Variants in COL4A3 observed in about 807,000 individuals in gnomAD.
COL4A3 encodes collagen type IV alpha 3 chain.
In COL4A3, 135 loss-of-function variants were observed where a neutral mutation model predicts 217.4. The observed-to-expected ratio is 0.62, with a 90% CI of 0.54 to 0.72. COL4A3 has a LOEUF of 0.72. Ranked by LOEUF, COL4A3 falls within the 30% of genes least tolerant of loss-of-function variation. The probability of loss-of-function intolerance (pLI) is 0.00; values close to 1 mark genes in which losing one functional copy is unlikely to be tolerated. For synonymous variants in COL4A3, 690 were observed against 736.3 expected, an observed-to-expected ratio of 0.94 and a Z score of 1.02; for missense variants, 1,868 against 2,119.9, an observed-to-expected ratio of 0.88 and a Z score of 2.33.
chr2:227,254,008 T>C (rs1009853868), intron 13 of COL4A3, 104 bp from the exon 14 acceptor site: 1 of 1,095,310 alleles, frequency 9.1e-7, no homozygotes, highest in Non-Finnish European at 1.4e-6. Context: ...CATTCATAGT[T>C]TGTAAACCCA....
chr2:227,286,237 A>G (rs1574792812), intron 34 of COL4A3, among the ~76,000 whole-genome samples: 2 of 151,942 alleles, frequency 1.3e-5, no homozygotes, highest in African/African-American at 4.8e-5. Flanking sequence ...CACGGCTGTA[A>G]TCCCAGTATT....
chr2:227,217,325 G>C (rs964301763), intron 1 of COL4A3, among the ~76,000 whole-genome samples: 1 of 152,194 alleles, frequency 6.6e-6, no homozygotes, highest in Non-Finnish European at 1.5e-5. Context: ...GATTTGGGTG[G>C]GGACACAGCC....
intron 46 of COL4A3, 114 bp downstream of exon 46, chr2:227,304,258 T>C (rs2073410256): frequency 1.2e-5 from 16 of 1,388,140 alleles, no homozygotes; most frequent in Non-Finnish European, 1.6e-5. Flanking sequence ...AACATGATAG[T>C]GGTTTTCACA....
intron 1 of COL4A3, among the ~76,000 whole-genome samples, chr2:227,226,616 C>T (rs11681725): frequency 0.22 from 33,267 of 151,916 alleles, 4,307 homozygotes; most frequent in Non-Finnish European, 0.3. Context: ...ATTATAGGCA[C>T]TCAACATCAT....
Position 227,240,159 on chromosome 2 carries a change from C to T in COL4A3, c.161C>T (p.Pro54Leu). The change falls in exon 3 of 52, where the codon CCT becomes CTT. Residue 54 changes from proline (P) to leucine (L), a missense_variant. By Grantham distance (98) the Pro-to-Leu change is moderately conservative. Around this residue, in one of 2 missense-constraint regions of COL4A3, gnomAD observed 365 missense variants for 333.8 expected, o/e 1.09. Transcript: ENST00000396578. Reference sequence around the variant, plus strand: ...TTTTAACAGGGGGAGAAGGGCTTTCCTGGACCCCCCGGTTCTCCTGGCCAG... The same window carrying T: ...TTTTAACAGGGGGAGAAGGGCTTTCTTGGACCCCCCGGTTCTCCTGGCCAG... ...AKGEKGEKGF[P>L]GPPGSPGQKG... 2.5e-6 allele frequency: 4 copies of T among 1,609,876 alleles called. No homozygotes were observed. The highest frequency in any genetic ancestry group is 1.7e-4 in the Middle Eastern group (1 of 6,058).
At chr2:227,166,772 T>C (rs1486087198) in intron 1 of COL4A3, among the ~76,000 whole-genome samples, 2 of 152,212 alleles carry the variant, frequency 1.3e-5, no homozygotes, top group African/African-American at 2.4e-5. Flanking sequence ...TGTGCCTTCA[T>C]CTTGTAGAAA....
At position 227,250,818 on chromosome 2, in the gene COL4A3, G is replaced by A. The variant is rs2069697893; in HGVS notation, c.547-322G>A. 6.6e-6 allele frequency among the ~76,000 whole-genome samples: 1 copy of A among 152,106 alleles called. No homozygotes were observed. The highest frequency in any genetic ancestry group is 1.5e-5 in the Non-Finnish European group (1 of 68,014). On this transcript the variant is annotated intron_variant, in intron 9 of 51. Transcript: ENST00000396578. The surrounding 1 kb of genome is among the most constrained non-coding windows in gnomAD (Gnocchi z 4.1). The stretch of plus-strand genomic sequence containing the variant: ...GAGCAGGTGGCAGGCCCTAACGTAG[G>A]AGCATGCTTGGCCAAAATGAGAGAG...
intron 1 of COL4A3, among the ~76,000 whole-genome samples, chr2:227,214,605 A>AGG (rs2067457282): frequency 1.3e-5 from 2 of 152,332 alleles, no homozygotes; most frequent in African/African-American, 4.8e-5. Flanking sequence ...GAGCCTATTA[A>AGG]AACACTTCAC....
At chr2:227,270,622 A>G in intron 24 of COL4A3, 148 bp from the exon 25 acceptor site, 1 of 760,284 alleles carries the variant, frequency 1.3e-6, no homozygotes, top group Non-Finnish European at 2.2e-6. Flanking sequence ...AAAACAAACA[A>G]AATGCTTGTA....
At chr2:227,270,076 A>T (rs2071149603) in intron 24 of COL4A3, 96 bp downstream of exon 24, 1 of 938,630 alleles carries the variant, frequency 1.1e-6, no homozygotes, top group African/African-American at 1.6e-5. Flanking sequence ...GGTGCCTTGC[A>T]AACAGTAGGC....
chr2:227,309,130 G>C (rs2073637062), intron 49 of COL4A3, 54 bp downstream of exon 49: 1 of 1,611,250 alleles, frequency 6.2e-7, no homozygotes, highest in Non-Finnish European at 8.5e-7. Context: ...CACTTCCCTT[G>C]TAATGGAATG....
Position 227,270,796 on chromosome 2 carries a change from A to G in COL4A3, c.1602A>G (p.Pro534=). 1 of 1,614,184 alleles carries G rather than the reference A, an allele frequency of 6.2e-7. No individual in the cohort carries two copies. The highest frequency in any genetic ancestry group is 8.5e-7 in the Non-Finnish European group (1 of 1,180,014). The change falls in exon 25 of 52, where the codon CCA becomes CCG. Residue 534 remains proline, a synonymous_variant. Transcript: ENST00000396578. ...FPGFPGAQGD[P]GLKGEKGETL... ...GTTTCCCAGGTGCCCAGGGTGACCCAGGACTTAAAGGAGAAAAAGGTGAAA... is the reference window on the plus strand; with the variant it reads ...GTTTCCCAGGTGCCCAGGGTGACCCGGGACTTAAAGGAGAAAAAGGTGAAA...
intron 34 of COL4A3, among the ~76,000 whole-genome samples, chr2:227,285,277 TAAAA>T (rs764697409): frequency 2.8e-5 from 2 of 72,374 alleles, no homozygotes; most frequent in Non-Finnish European, 4.8e-5. Flanking sequence ...CTGCCAAACC[TAAAA>T]AAAAAAAAAA....
intron 3 of COL4A3, among the ~76,000 whole-genome samples, chr2:227,242,701 A>T (rs967872227): frequency 1.1e-4 from 17 of 152,148 alleles, no homozygotes; most frequent in African/African-American, 3.9e-4. Flanking sequence ...CTCCCCTATC[A>T]CTCAGAATAT....
intron 23 of COL4A3, 94 bp downstream of exon 23, chr2:227,267,182 G>A (rs979011506): frequency 1.6e-5 from 14 of 902,762 alleles, no homozygotes; most frequent in African/African-American, 6.5e-5. Context: ...ATGTCACAAC[G>A]TGGTTTAGAT....
Position 227,253,758 on chromosome 2 carries a change from A to T in COL4A3, c.765+120A>T, listed in dbSNP as rs1485091768. The T allele has an allele frequency of 1.1e-6, 1 of 884,740 alleles. No individual in the cohort carries two copies. The highest frequency in any genetic ancestry group is 1.6e-5 in the African/African-American group (1 of 61,170). 54.8% of individuals were successfully genotyped at this position (884,740 alleles called of 1,614,324 possible). On this transcript the variant is annotated intron_variant, in intron 13 of 51. Transcript: ENST00000396578. This position sits in a 1 kb window ranked among gnomAD's most constrained non-coding sequence, Gnocchi z 4.4. ...AAGTCCAGCTCAGCCCAGCTCCCTC[A>T]GCCAGCCAGAACCTCCAGGATTGAT...
chr2:227,268,239 C>T (rs2071033365), intron 23 of COL4A3: 1 of 152,364 alleles, frequency 6.6e-6, no homozygotes, highest in South Asian at 2.1e-4. Context: ...CACATCAGCC[C>T]GAGAGGCTGG....
intron 1 of COL4A3, among the ~76,000 whole-genome samples, chr2:227,173,955 G>A (rs543242660): frequency 6.6e-6 from 1 of 152,282 alleles, no homozygotes; most frequent in Admixed American, 6.5e-5. Context: ...GCATCCAGAG[G>A]AGAGTAGGTG....
At chr2:227,178,414 G>C (rs2065759701) in intron 1 of COL4A3, among the ~76,000 whole-genome samples, 1 of 152,154 alleles carries the variant, frequency 6.6e-6, no homozygotes, top group Non-Finnish European at 1.5e-5. Flanking sequence ...AAAGAAATGT[G>C]TGTATACTAT....
Sources: gnomAD v4.1 joint callset for allele counts (sites outside exome capture counted in the v4.1 genomes callset) on GRCh38, gnomAD v4.1.1 for gene constraint, gnomAD v4.1.1 regional missense constraint, Gnocchi (gnomAD v3.1) non-coding constraint, MANE v1.5 for transcripts, NCBI Gene and HGNC (gene_info 2026-07-23, HGNC 2026-07-21) for gene names.